The following METTL15 variants were observed in gnomAD, a reference collection of about 807,000 sequenced individuals.
METTL15 encodes methyltransferase 15, mitochondrial 12S rRNA N4-cytidine, also known as 12S rRNA N(4)-cytidine methyltransferase METTL15.
In METTL15, 34 loss-of-function variants were observed where a neutral mutation model predicts 38.3. That is an observed-to-expected ratio of 0.89 (90% CI 0.68 to 1.18). The LOEUF (loss-of-function observed/expected upper bound fraction) is 1.18. Ranked by LOEUF, METTL15 falls within the 50% of genes most tolerant of loss-of-function variation. The pLI is 0.00. For missense variants in METTL15, 438 were observed against 498.4 expected, an observed-to-expected ratio of 0.88 and a Z score of 1.15; for synonymous variants, 162 against 170.9, an observed-to-expected ratio of 0.95 and a Z score of 0.41.
chr11:28,149,833 A>G (rs939406031), intron 3 of METTL15, among the ~76,000 whole-genome samples: 2 of 152,002 alleles, frequency 1.3e-5, no homozygotes, highest in African/African-American at 4.8e-5. Flanking sequence ...TTTATTTAAA[A>G]TATATTTGCA....
chr11:28,455,949 G>T (rs1448369577), intron 6 of METTL15, among the ~76,000 whole-genome samples: 3 of 152,206 alleles, frequency 2.0e-5, no homozygotes, highest in South Asian at 4.1e-4. Context: ...CTCGTGATCT[G>T]CCCGCTTTGG....
At chr11:28,242,461 A>G (rs1316141736) in intron 4 of METTL15, among the ~76,000 whole-genome samples, 1 of 152,228 alleles carries the variant, frequency 6.6e-6, no homozygotes, top group African/African-American at 2.4e-5. Context: ...AATTCAGTCA[A>G]TGATAATTTA....
intron 3 of METTL15, among the ~76,000 whole-genome samples, chr11:28,190,875 G>T (rs970160898): frequency 6.6e-6 from 1 of 151,158 alleles, no homozygotes; most frequent in African/African-American, 2.4e-5. Context: ...TACTTAGCTC[G>T]TTTGCTTTAG....
chr11:28,342,348 A>T (rs1849960171), intron 3 of METTL15, among the ~76,000 whole-genome samples: 1 of 151,944 alleles, frequency 6.6e-6, no homozygotes, highest in East Asian at 1.9e-4. Flanking sequence ...ACTCAGCCTT[A>T]ACCTCCCAGG....
chr11:28,311,559 C>T (rs1339850827), intron 6 of METTL15, among the ~76,000 whole-genome samples: 1 of 152,198 alleles, frequency 6.6e-6, no homozygotes, highest in Non-Finnish European at 1.5e-5. Flanking sequence ...TCTCTTAGAA[C>T]ATGTGTTAAA....
chr11:28,141,563 C>T (rs955958156), intron 3 of METTL15, among the ~76,000 whole-genome samples: 6 of 151,974 alleles, frequency 3.9e-5, no homozygotes, highest in African/African-American at 9.7e-5. Context: ...GTGGCATACA[C>T]CTGTAGTCTC....
At chr11:28,426,590 T>TG (rs1850866988) in intron 6 of METTL15, among the ~76,000 whole-genome samples, 2 of 117,328 alleles carry the variant, frequency 1.7e-5, no homozygotes, top group South Asian at 3.0e-4. Flanking sequence ...ATCTGTTTTT[T>TG]TTTTTTTTTT....
chr11:28,266,989 A>C (rs1855447340), intron 4 of METTL15, among the ~76,000 whole-genome samples: 1 of 151,732 alleles, frequency 6.6e-6, no homozygotes, highest in Non-Finnish European at 1.5e-5. Flanking sequence ...GTGAAACCCC[A>C]TCTCTACTAA....
At chr11:28,218,829 G>A (rs1853038022) in intron 4 of METTL15, among the ~76,000 whole-genome samples, 1 of 152,110 alleles carries the variant, frequency 6.6e-6, no homozygotes, top group Admixed American at 6.5e-5. Flanking sequence ...TGTGGTTTTT[G>A]TCGTTGGTTC....
intron 6 of METTL15, among the ~76,000 whole-genome samples, chr11:28,430,031 C>T (rs924211156): frequency 1.2e-4 from 16 of 137,806 alleles, no homozygotes; most frequent in African/African-American, 3.8e-4. Context: ...ATGTGAGGAG[C>T]GCCTCTGCCC....
intron 3 of METTL15, among the ~76,000 whole-genome samples, chr11:28,207,545 A>T (rs1034108161): frequency 1.3e-5 from 2 of 152,072 alleles, no homozygotes; most frequent in Non-Finnish European, 2.9e-5. Flanking sequence ...ATCAGGGTTC[A>T]TCAAGGATAT....
intron 4 of METTL15, among the ~76,000 whole-genome samples, chr11:28,258,208 T>G (rs1218171492): frequency 6.6e-6 from 1 of 152,170 alleles, no homozygotes; most frequent in Non-Finnish European, 1.5e-5. Context: ...TTCACTCCCT[T>G]CCCTTACTTT....
chr11:28,487,598 C>G (rs1378402817), intron 6 of METTL15, among the ~76,000 whole-genome samples: 3 of 152,086 alleles, frequency 2.0e-5, no homozygotes, highest in East Asian at 3.9e-4. Context: ...ATAATAAAGT[C>G]TCATTTTTCT....
intron 3 of METTL15, among the ~76,000 whole-genome samples, chr11:28,188,714 A>G (rs1590129368): frequency 6.6e-6 from 1 of 151,168 alleles, no homozygotes; most frequent in East Asian, 1.9e-4. Flanking sequence ...TCATTTAGCT[A>G]AACCATACCT....
At chr11:28,314,268 T>G (rs78658005) in intron 6 of METTL15, among the ~76,000 whole-genome samples, 5,005 of 152,274 alleles carry the variant, frequency 0.033, 283 homozygotes, top group African/African-American at 0.11. Context: ...TGAAGAACAT[T>G]TGTAATACAG....
At chr11:28,305,388 A>G (rs1360453718) in intron 6 of METTL15, among the ~76,000 whole-genome samples, 6 of 152,168 alleles carry the variant, frequency 3.9e-5, no homozygotes, top group East Asian at 1.9e-4. Flanking sequence ...CTGAGCAAAT[A>G]CTAGGTATTA....
rs141243906 is a variant in METTL15 at position 28,286,723 on chromosome 11, T to C, written c.408-3483T>C. Among the ~76,000 whole-genome samples, 287 of 152,200 alleles carry C rather than the reference T, an allele frequency of 1.9e-3. 1 individual carries two copies. The highest frequency in any genetic ancestry group is 6.6e-3 in the African/African-American group (274 of 41,542). ...ACCCCAGATTAAGGCCTAGTTATTATGTGTTCCTTAACTTCTGGGGAAAGT... is the reference window on the plus strand; with the variant it reads ...ACCCCAGATTAAGGCCTAGTTATTACGTGTTCCTTAACTTCTGGGGAAAGT... On this transcript the variant is annotated intron_variant, in intron 4 of 6. Coordinates refer to ENST00000407364, the MANE Select transcript of METTL15 (RefSeq NM_001113528.2).
At chr11:28,498,681 G>C (rs1851556446) in intron 6 of METTL15, among the ~76,000 whole-genome samples, 1 of 152,036 alleles carries the variant, frequency 6.6e-6, no homozygotes, top group Non-Finnish European at 1.5e-5. Flanking sequence ...ACTTCCCACT[G>C]TACTTTGATT....
chr11:28,514,744 A>G (rs1851705465), intron 6 of METTL15, among the ~76,000 whole-genome samples: 1 of 152,244 alleles, frequency 6.6e-6, no homozygotes, highest in Non-Finnish European at 1.5e-5. Flanking sequence ...CACATGTTTG[A>G]TGCCTAGGCT....
Sources: gnomAD v4.1 joint callset for allele counts (sites outside exome capture counted in the v4.1 genomes callset) on GRCh38, gnomAD v4.1.1 for gene constraint, MANE v1.5 for transcripts, NCBI Gene and HGNC (gene_info 2026-07-23, HGNC 2026-07-21) for gene names.